Variants in BAD observed in about 807,000 individuals in gnomAD.
The protein encoded by BAD is bcl2-associated agonist of cell death.
A neutral mutation model predicts 17.8 loss-of-function variants in BAD; 18 were observed. The ratio of observed to expected loss-of-function variants is 1.01; its 90% CI spans 0.70 to 1.50. The LOEUF (loss-of-function observed/expected upper bound fraction) is 1.50, where lower values mean the gene tolerates loss of function less well. Ranked by LOEUF, BAD falls within the 40% of genes most tolerant of loss-of-function variation. The pLI is 0.00. For synonymous variants in BAD, 112 were observed against 91.5 expected, an observed-to-expected ratio of 1.22 and a Z score of -1.28; for missense variants, 294 against 239.3, an observed-to-expected ratio of 1.23 and a Z score of -1.51.
chr11:64,273,855 CAAAAAAA>C (rs34577596), intron 2 of BAD, among the ~76,000 whole-genome samples: 13 of 54,836 alleles, frequency 2.4e-4, no homozygotes, highest in Non-Finnish European at 2.8e-4. Context: ...GCACCCATCT[CAAAAAAA>C]AAAAAAAAAA....
chr11:64,283,754 C>A lies in BAD; in HGVS notation c.187+428G>T, dbSNP rs562629494. 4.6e-5 allele frequency among the ~76,000 whole-genome samples: 7 copies of A among 152,248 alleles called. No individual in the cohort carries two copies. In the East Asian group the frequency reaches 1.2e-3, roughly 25 times the overall value. ...CTTTTCCTTTTCGGATCACTGCCTG[C>A]CTGTCACTGATTTCTGTCCTAACCC... On this transcript the variant is annotated intron_variant, in intron 2 of 3. Coordinates refer to ENST00000309032, the MANE Select transcript of BAD (RefSeq NM_032989.3).
chr11:64,278,722 C>T (rs1047743327), intron 2 of BAD, among the ~76,000 whole-genome samples: 2 of 152,206 alleles, frequency 1.3e-5, no homozygotes, highest in Non-Finnish European at 2.9e-5. Flanking sequence ...AGACACTGGG[C>T]TGTGTGGGCT....
In BAD at chr11:64,284,393, T is replaced by C; in HGVS notation, c.-8-17A>G. ...TGCTCTGGGCTGTGAGGACAAGATG[T>C]TACGTAGTCAAGGCACAGCTGGGGC... On this transcript the variant is annotated splice_polypyrimidine_tract_variant and intron_variant, in intron 1 of 3. Transcript: ENST00000309032. The C allele has an allele frequency of 6.2e-7, 1 of 1,611,978 alleles. No individual in the cohort carries two copies. The highest frequency in any genetic ancestry group is 8.5e-7 in the Non-Finnish European group (1 of 1,179,930).
At chr11:64,274,689 C>T (rs1196033348) in intron 2 of BAD, among the ~76,000 whole-genome samples, 6 of 151,940 alleles carry the variant, frequency 3.9e-5, no homozygotes, top group East Asian at 1.9e-4. Flanking sequence ...GGTGTGGTGG[C>T]GCGAGCCTGT....
intron 2 of BAD, chr11:64,277,155 C>G: frequency 1.7e-6 from 1 of 603,796 alleles, no homozygotes; most frequent in Non-Finnish European, 3.0e-6. Flanking sequence ...CAGTGAAGCT[C>G]TGCCATCAGG....
chr11:64,278,381 T>A (rs2033208752), intron 2 of BAD, among the ~76,000 whole-genome samples: 1 of 147,906 alleles, frequency 6.8e-6, no homozygotes, highest in Admixed American at 6.8e-5. Context: ...AAATTATATA[T>A]ATATATTTAT....
intron 2 of BAD, among the ~76,000 whole-genome samples, chr11:64,283,588 AG>A (rs1364221778): frequency 6.6e-6 from 1 of 152,212 alleles, no homozygotes; most frequent in East Asian, 1.9e-4. Flanking sequence ...TACGAGCCAC[AG>A]GGCAAGAAAG....
intron 1 of BAD, 116 bp from the exon 2 acceptor site, chr11:64,284,492 G>A: frequency 1.3e-6 from 2 of 1,579,374 alleles, no homozygotes; most frequent in Non-Finnish European, 1.7e-6. Flanking sequence ...AGGCCCGCCA[G>A]GCCTCCTGGG....
chr11:64,271,809 G>T lies in BAD; in HGVS notation c.188-6C>A, dbSNP rs755283304. ...GATCTCCACAGCCCCAGCGCCTGCAGAGGGTCAGTGGGTAGGGGGGCGACG... is the reference window on the plus strand; with the variant it reads ...GATCTCCACAGCCCCAGCGCCTGCATAGGGTCAGTGGGTAGGGGGGCGACG... On this transcript the variant is annotated splice_polypyrimidine_tract_variant and splice_region_variant and intron_variant, in intron 2 of 3. Transcript: ENST00000309032. The T allele has an allele frequency of 5.0e-6, 7 of 1,396,650 alleles. No homozygotes were observed. Among genetic ancestry groups the T allele is most frequent in the Non-Finnish European group, 5.6e-6 (6 of 1,074,152 alleles). 86.5% of individuals were successfully genotyped at this position (1,396,650 alleles called of 1,614,324 possible). A position where few individuals can be genotyped will look rare whatever the true frequency, so the allele number is the denominator to read the frequency against.
At chr11:64,270,920 C>T (rs1446091182) in intron 3 of BAD, among the ~76,000 whole-genome samples, 3 of 134,000 alleles carry the variant, frequency 2.2e-5, no homozygotes, top group African/African-American at 7.7e-5. Context: ...CACACACACA[C>T]ACACACACAC....
intron 2 of BAD, among the ~76,000 whole-genome samples, chr11:64,274,982 G>A (rs1444909933): frequency 4.6e-5 from 4 of 86,950 alleles, no homozygotes; most frequent in African/African-American, 2.4e-4. Flanking sequence ...GACAGAGTGA[G>A]ACTTTGTCTC....
At chr11:64,274,279 C>T (rs533535154) in intron 2 of BAD, among the ~76,000 whole-genome samples, 1 of 151,978 alleles carries the variant, frequency 6.6e-6, no homozygotes, top group South Asian at 2.1e-4. Context: ...TCCAGCTACT[C>T]GGGAGGGTGA....
chr11:64,270,900 GACACACACACAC>G (rs71045754), intron 3 of BAD, among the ~76,000 whole-genome samples: 10 of 87,654 alleles, frequency 1.1e-4, no homozygotes, highest in South Asian at 4.3e-4. Flanking sequence ...TGCCCTGTGA[GACACACACACAC>G]ACACACACAC....
In BAD at chr11:64,270,035, CAA is replaced by C; in HGVS notation, c.*172_*173del. 8.0e-7 allele frequency: 1 copy of C among 1,251,560 alleles called. No individual in the cohort carries two copies. Among genetic ancestry groups the C allele is most frequent in the Non-Finnish European group, 1.1e-6 (1 of 894,154 alleles). 77.5% of individuals were successfully genotyped at this position (1,251,560 alleles called of 1,614,324 possible). On this transcript the variant is annotated 3_prime_UTR_variant, in exon 4 of 4. Transcript: ENST00000309032. The stretch of plus-strand genomic sequence containing the variant: ...GAAAACCCAAAACTTCCGATGGGAC[CAA>C]GCCTTCCGTGGCTTCACACGCACCG...
In BAD at chr11:64,269,925, T is replaced by C. The variant is rs2032380032; in HGVS notation, c.*284A>G. On this transcript the variant is annotated 3_prime_UTR_variant, in exon 4 of 4. Coordinates refer to ENST00000309032, the MANE Select transcript of BAD (RefSeq NM_032989.3). ...GTCCCGGTGACGCAACGGTTAAACC[T>C]GGCTCGCGACTTAGCGCAGGCGCCT... The C allele has an allele frequency of 4.2e-6, 3 of 708,208 alleles. No homozygotes were observed. Among genetic ancestry groups the C allele is most frequent in the Non-Finnish European group, 7.6e-6 (3 of 392,988 alleles). The allele number at this position is 708,208 out of a possible 1,614,324, so 43.9% of individuals were successfully genotyped here. A position where few individuals can be genotyped will look rare whatever the true frequency, so the allele number is the denominator to read the frequency against.
Position 64,271,820 on chromosome 11 carries a change from G to C in BAD, c.188-17C>G. ...CCCCAGCGCCTGCAGAGGGTCAGTG[G>C]GTAGGGGGGCGACGTTAATCTCAGC... is the stretch of plus-strand genomic sequence containing the variant. On this transcript the variant is annotated splice_polypyrimidine_tract_variant and intron_variant, in intron 2 of 3. Transcript: ENST00000309032. 1 of 1,378,734 alleles carries C rather than the reference G, an allele frequency of 7.3e-7. No homozygotes were observed. The allele number at this position is 1,378,734 out of a possible 1,614,324, so 85.4% of individuals were successfully genotyped here.
intron 2 of BAD, among the ~76,000 whole-genome samples, chr11:64,282,749 C>T (rs914370195): frequency 2.0e-5 from 3 of 150,192 alleles, no homozygotes; most frequent in East Asian, 2.0e-4. Flanking sequence ...CATGGTGACA[C>T]GCGCCTGTAG....
At chr11:64,270,563 G>A in intron 3 of BAD, 1 of 718,126 alleles carries the variant, frequency 1.4e-6, no homozygotes. Flanking sequence ...GAGACGGGAA[G>A]AGAGGATGCC....
Position 64,269,911 on chromosome 11 carries a change from G to T in BAD, c.*298C>A. On this transcript the variant is annotated 3_prime_UTR_variant, in exon 4 of 4. Transcript: ENST00000309032. ...TCGCGGGGGCTCGGGTCCCGGTGAC[G>T]CAACGGTTAAACCTGGCTCGCGACT... 1.4e-6 allele frequency: 1 copy of T among 702,934 alleles called. No individual in the cohort carries two copies. Among genetic ancestry groups the T allele is most frequent in the East Asian group, 2.7e-5 (1 of 37,372 alleles). 43.5% of individuals were successfully genotyped at this position (702,934 alleles called of 1,614,324 possible).
Sources: gnomAD v4.1 joint callset for allele counts (sites outside exome capture counted in the v4.1 genomes callset) on GRCh38, gnomAD v4.1.1 for gene constraint, MANE v1.5 for transcripts, NCBI Gene and HGNC (gene_info 2026-07-23, HGNC 2026-07-21) for gene names.